CTNNA3: variants seen among roughly 807,000 people sequenced by gnomAD.
CTNNA3 encodes the protein catenin alpha-3.
A neutral mutation model predicts 95.7 loss-of-function variants in CTNNA3; 76 were observed. That is an observed-to-expected ratio of 0.79 (90% confidence interval 0.66 to 0.96). The LOEUF (loss-of-function observed/expected upper bound fraction) is 0.96. Ranked by LOEUF, CTNNA3 falls within the 40% of genes least tolerant of loss-of-function variation. The probability of loss-of-function intolerance (pLI) is 0.00; values close to 1 mark genes in which losing one functional copy is unlikely to be tolerated. For synonymous variants in CTNNA3, 431 were observed against 374.4 expected (o/e 1.15, Z -1.74); for missense variants, 1,191 against 1,089.8 (o/e 1.09, Z -1.31).
chr10:66,897,957 G>T (rs1430574991), intron 7 of CTNNA3, among the ~76,000 whole-genome samples: 4 of 152,238 alleles, frequency 2.6e-5, no homozygotes, highest in East Asian at 1.9e-4. Context: ...TCCTGGTCAG[G>T]TCAGAAAATA....
intron 3 of CTNNA3, among the ~76,000 whole-genome samples, chr10:67,540,289 G>A (rs907216041): frequency 2.6e-5 from 4 of 151,422 alleles, no homozygotes; most frequent in Non-Finnish European, 5.9e-5. Context: ...AGTTCAAAAG[G>A]GTATAAAATG....
chr10:66,033,370 C>A (rs975853863), intron 15 of CTNNA3, among the ~76,000 whole-genome samples: 1 of 152,016 alleles, frequency 6.6e-6, no homozygotes, highest in Non-Finnish European at 1.5e-5. Context: ...CTCCTGACCT[C>A]GTGGTCTGCC....
intron 11 of CTNNA3, among the ~76,000 whole-genome samples, chr10:66,515,596 G>A (rs188547693): frequency 4.1e-4 from 63 of 152,128 alleles, no homozygotes; most frequent in African/African-American, 1.2e-3. Context: ...CCAAGACTGG[G>A]TCATTTATAA....
At chr10:67,407,678 C>A (rs1387741355) in intron 5 of CTNNA3, among the ~76,000 whole-genome samples, 4 of 152,088 alleles carry the variant, frequency 2.6e-5, no homozygotes, top group Admixed American at 2.6e-4. Context: ...CACTGACTCA[C>A]CCCAAAAGCT....
chr10:67,107,954 T>G (rs777442326), intron 7 of CTNNA3, among the ~76,000 whole-genome samples: 18 of 152,160 alleles, frequency 1.2e-4, no homozygotes, highest in Non-Finnish European at 2.4e-4. Flanking sequence ...CCCCTTTTCT[T>G]CCTTTTCACC....
At chr10:66,863,954 G>T (rs1050291379) in intron 7 of CTNNA3, among the ~76,000 whole-genome samples, 5 of 152,050 alleles carry the variant, frequency 3.3e-5, no homozygotes, top group African/African-American at 1.2e-4. Flanking sequence ...TGGCATTGAG[G>T]TAATTAACAG....
intron 7 of CTNNA3, among the ~76,000 whole-genome samples, chr10:66,851,633 T>TGCACACACACAC (rs1843498088): frequency 6.9e-6 from 1 of 144,380 alleles, no homozygotes; most frequent in Non-Finnish European, 1.5e-5. Flanking sequence ...TTCTCTCACA[T>TGCACACACACAC]ACACACACAC....
At chr10:67,351,334 A>G (rs979891573) in intron 5 of CTNNA3, among the ~76,000 whole-genome samples, 1 of 151,638 alleles carries the variant, frequency 6.6e-6, no homozygotes, top group African/African-American at 2.4e-5. Flanking sequence ...AGAAATATAC[A>G]CCAAAAAAGT....
intron 1 of CTNNA3, among the ~76,000 whole-genome samples, chr10:67,666,608 C>A (rs1032558352): frequency 1.4e-4 from 21 of 152,190 alleles, no homozygotes; most frequent in Non-Finnish European, 2.6e-4. Context: ...CATTTTTAAA[C>A]ACAATTCCTC....
At chr10:67,384,839 A>T (rs1467284212) in intron 5 of CTNNA3, among the ~76,000 whole-genome samples, 2 of 152,264 alleles carry the variant, frequency 1.3e-5, no homozygotes, top group Non-Finnish European at 1.5e-5. Flanking sequence ...AGGAAAAAAT[A>T]TTTAAGAAAG....
intron 12 of CTNNA3, among the ~76,000 whole-genome samples, chr10:66,343,131 G>A (rs1036797036): frequency 6.6e-5 from 10 of 152,052 alleles, no homozygotes; most frequent in East Asian, 3.9e-4. Context: ...TGGTGGGAAC[G>A]TAAACTAGTA....
chr10:66,143,271 T>A lies in CTNNA3; in HGVS notation c.1885-40022A>T, dbSNP rs573460561. ...GTGTTTTTAAAGCTTGATATTATGA[T>A]ACCAAGCAATAGCCGCTGAAATAGA... On this transcript the variant is annotated intron_variant, in intron 13 of 17. Transcript: ENST00000433211. 1.1e-4 allele frequency among the ~76,000 whole-genome samples: 16 copies of A among 152,212 alleles called. No individual in the cohort carries two copies. In the South Asian group the frequency reaches 3.1e-3, roughly 30 times the overall value.
chr10:67,377,827 T>C (rs959379732), intron 5 of CTNNA3, among the ~76,000 whole-genome samples: 1 of 152,174 alleles, frequency 6.6e-6, no homozygotes, highest in African/African-American at 2.4e-5. Flanking sequence ...TATATTATTG[T>C]TAATTATAGT....
chr10:66,481,684 G>C (rs1346779539), intron 11 of CTNNA3, among the ~76,000 whole-genome samples: 2 of 134,632 alleles, frequency 1.5e-5, no homozygotes, highest in Non-Finnish European at 3.0e-5. Context: ...TGTTAGCCAG[G>C]ATGGTCTCGA....
chr10:67,544,344 A>G (rs1840773748), intron 3 of CTNNA3, among the ~76,000 whole-genome samples: 1 of 152,104 alleles, frequency 6.6e-6, no homozygotes, highest in Non-Finnish European at 1.5e-5. Context: ...AATCCCTGAG[A>G]AATGGACCAA....
At chr10:65,972,548 C>G (rs1341661065) in intron 16 of CTNNA3, among the ~76,000 whole-genome samples, 1 of 151,970 alleles carries the variant, frequency 6.6e-6, no homozygotes, top group African/African-American at 2.4e-5. Context: ...CAATAACATT[C>G]AAGTTGAGAA....
chr10:66,021,852 C>CTTTGTTTTTTTTTTTTTTTTTT (rs2079219451), intron 15 of CTNNA3, among the ~76,000 whole-genome samples: 1 of 75,952 alleles, frequency 1.3e-5, no homozygotes, highest in African/African-American at 4.9e-5. Flanking sequence ...AGGATCTTGG[C>CTTTGTTTTTTTTTTTTTTTTTT]TTTTTTTTTT....
chr10:66,481,540 C>T lies in CTNNA3; in HGVS notation c.1531+39077G>A, dbSNP rs1171693865. On this transcript the variant is annotated intron_variant, in intron 11 of 17. Transcript: ENST00000433211. Reference sequence around the variant, plus strand: ...AGGCTGGACTGCAGTGGCACGATCTCGGCTCACTGCAAGCTCCGCCTCCCG... The same window carrying T: ...AGGCTGGACTGCAGTGGCACGATCTTGGCTCACTGCAAGCTCCGCCTCCCG... 5.6e-5 allele frequency among the ~76,000 whole-genome samples: 7 copies of T among 124,186 alleles called. 1 individual carries two copies. The highest frequency in any genetic ancestry group is 2.7e-4 in the African/African-American group (7 of 25,918). The allele number at this position is 124,186 out of a possible 152,430, so 81.5% of individuals were successfully genotyped here.
At chr10:66,476,184 G>A (rs1839319978) in intron 11 of CTNNA3, among the ~76,000 whole-genome samples, 1 of 150,420 alleles carries the variant, frequency 6.6e-6, no homozygotes, top group Admixed American at 6.6e-5. Context: ...GACACAGGGA[G>A]GGGAATGACA....
Sources: gnomAD v4.1 joint callset for allele counts (sites outside exome capture counted in the v4.1 genomes callset) on GRCh38, gnomAD v4.1.1 for gene constraint, MANE v1.5 for transcripts, NCBI Gene and HGNC (gene_info 2026-07-23, HGNC 2026-07-21) for gene names.